The following CHN1 variants were observed in gnomAD, a reference collection of about 807,000 sequenced individuals.
CHN1 encodes the protein chimerin 1.
Under a neutral mutation model 59.5 loss-of-function variants are expected in CHN1, and 37 were observed. That is an observed-to-expected ratio of 0.62 (90% confidence interval 0.48 to 0.82). The LOEUF is 0.82. Among genes scored for constraint, CHN1 ranks in the 40% least tolerant of loss-of-function variants. The pLI is 0.00. For missense variants in CHN1, 469 were observed against 571.0 expected (o/e 0.82, Z 1.82); for synonymous variants, 206 against 200.4 (o/e 1.03, Z -0.24).
intron 7 of CHN1, among the ~76,000 whole-genome samples, chr2:174,827,194 G>A (rs1380467235): frequency 2.0e-5 from 3 of 152,054 alleles, no homozygotes; most frequent in Non-Finnish European, 2.9e-5. Context: ...GTTGATTACT[G>A]TAGCCTTTGA....
At chr2:174,866,244 C>T (rs1268630180) in intron 6 of CHN1, among the ~76,000 whole-genome samples, 1 of 152,132 alleles carries the variant, frequency 6.6e-6, no homozygotes, top group Non-Finnish European at 1.5e-5. Flanking sequence ...TGACCAAACA[C>T]TTAGCATATA....
At chr2:174,880,539 A>C (rs1301222479) in intron 5 of CHN1, among the ~76,000 whole-genome samples, 4 of 152,288 alleles carry the variant, frequency 2.6e-5, no homozygotes, top group African/African-American at 9.6e-5. Flanking sequence ...GAAGAGCCAT[A>C]AAGGGGGAGA....
chr2:174,903,151 T>A (rs960881705), intron 5 of CHN1, among the ~76,000 whole-genome samples: 3 of 152,080 alleles, frequency 2.0e-5, no homozygotes, highest in Non-Finnish European at 4.4e-5. Context: ...CACAGATGAG[T>A]CCTTTTTGAC....
Position 174,971,305 on chromosome 2 carries a change from G to A in CHN1, c.20-19103C>T, listed in dbSNP as rs144690482. ...TGCACTCCAGCCTGGGTGACAGAGC[G>A]TGACTCCGTCTCTTAAAAAAAAAGT... On this transcript the variant is annotated intron_variant, in intron 1 of 12. Transcript: ENST00000409900. 4.9e-4 allele frequency among the ~76,000 whole-genome samples: 74 copies of A among 152,192 alleles called. 2 individuals are homozygous for A. In the East Asian group the frequency reaches 6.0e-3, roughly 12 times the overall value.
At chr2:174,848,681 C>T (rs573805676) in intron 6 of CHN1, among the ~76,000 whole-genome samples, 12 of 152,226 alleles carry the variant, frequency 7.9e-5, no homozygotes, top group Middle Eastern at 3.4e-3. Context: ...CTATGCTAGA[C>T]ATTAAAAATA....
intron 3 of CHN1, among the ~76,000 whole-genome samples, chr2:174,943,457 C>T (rs1033281126): frequency 2.0e-5 from 3 of 152,006 alleles, no homozygotes; most frequent in Non-Finnish European, 4.4e-5. Flanking sequence ...AAACTCTTGA[C>T]CTCGTGATCT....
At chr2:174,891,565 T>C (rs1688051303) in intron 5 of CHN1, among the ~76,000 whole-genome samples, 1 of 141,746 alleles carries the variant, frequency 7.1e-6, no homozygotes, top group African/African-American at 2.6e-5. Context: ...CGAGACTCCA[T>C]CTCAAAAAAA....
At chr2:174,997,775 T>A (rs1240339230) in intron 1 of CHN1, among the ~76,000 whole-genome samples, 1 of 152,134 alleles carries the variant, frequency 6.6e-6, no homozygotes, top group Non-Finnish European at 1.5e-5. Context: ...CTCACGTCTG[T>A]AATCCCAGCA....
rs74961982 is a variant in CHN1, at chr2:174,920,210, T to C, written c.115-1645A>G. ...TTCCATTATGTATATATACACCACA[T>C]TTTTTTTATCCATTCATTCACTGAT... is the stretch of plus-strand genomic sequence containing the variant. On this transcript the variant is annotated intron_variant, in intron 3 of 12. Coordinates refer to ENST00000409900, the MANE Select transcript of CHN1 (RefSeq NM_001822.7). Among the ~76,000 whole-genome samples, 299 of 151,998 alleles carry C rather than the reference T, an allele frequency of 2.0e-3. 1 individual carries two copies. The highest frequency in any genetic ancestry group is 6.8e-3 in the African/African-American group (284 of 41,468).
rs564782511 is a variant in CHN1, at chr2:174,952,649, G to A, written c.20-447C>T. Among the ~76,000 whole-genome samples the A allele has an allele frequency of 5.3e-5, 8 of 152,252 alleles. No homozygotes were observed. In the South Asian group the frequency reaches 1.7e-3, roughly 32 times the overall value. On this transcript the variant is annotated intron_variant, in intron 1 of 12. Coordinates refer to ENST00000409900, the MANE Select transcript of CHN1 (RefSeq NM_001822.7). The stretch of plus-strand genomic sequence containing the variant: ...TCTATTATTTTCCCCCGTTACATTT[G>A]GGGGATTCCAATGTACATGGTTTTA...
intron 5 of CHN1, among the ~76,000 whole-genome samples, chr2:174,904,123 C>A (rs1688469724): frequency 6.6e-6 from 1 of 151,658 alleles, no homozygotes; most frequent in African/African-American, 2.4e-5. Context: ...ATTAGCTGGG[C>A]ATGGTGGTGC....
intron 2 of CHN1, among the ~76,000 whole-genome samples, chr2:174,947,918 T>C (rs1381616774): frequency 1.3e-5 from 2 of 152,210 alleles, no homozygotes; most frequent in Non-Finnish European, 2.9e-5. Flanking sequence ...TTTCTGATAA[T>C]TTGAATTGGA....
chr2:174,839,034 TAGA>T (rs887447481), intron 7 of CHN1, among the ~76,000 whole-genome samples: 4 of 151,772 alleles, frequency 2.6e-5, no homozygotes, highest in Admixed American at 1.3e-4. Flanking sequence ...AAAAAAAATT[TAGA>T]AGAAGTGACA....
intron 6 of CHN1, among the ~76,000 whole-genome samples, chr2:174,873,068 C>T (rs2105467641): frequency 6.6e-6 from 1 of 150,938 alleles, no homozygotes; most frequent in South Asian, 2.1e-4. Context: ...GCTGTTTATA[C>T]AGGATAAACA....
At chr2:174,842,671 G>C (rs563955779) in intron 7 of CHN1, among the ~76,000 whole-genome samples, 2 of 152,338 alleles carry the variant, frequency 1.3e-5, no homozygotes, top group East Asian at 3.9e-4. Flanking sequence ...CTCAGCAAGA[G>C]TGTCGGCCAC....
chr2:174,870,278 A>C (rs1021845452), intron 6 of CHN1, among the ~76,000 whole-genome samples: 5 of 152,314 alleles, frequency 3.3e-5, no homozygotes, highest in African/African-American at 1.2e-4. Context: ...CTGTTGAAAG[A>C]ATCCCGTTAC....
chr2:174,925,388 C>T lies in CHN1; in HGVS notation c.115-6823G>A, dbSNP rs541790152. On this transcript the variant is annotated intron_variant, in intron 3 of 12. Coordinates refer to ENST00000409900, the MANE Select transcript of CHN1 (RefSeq NM_001822.7). ...TAAAGGAGATACAAATATTTTATCC[C>T]AAAATATATTTCTTTGACATATTTT... Among the ~76,000 whole-genome samples, 8 of 152,262 alleles carry T rather than the reference C, an allele frequency of 5.3e-5. 1 individual carries two copies. Among genetic ancestry groups the T allele is most frequent in the African/African-American group, 1.9e-4 (8 of 41,538 alleles).
At chr2:174,861,246 A>G (rs1687059414) in intron 6 of CHN1, among the ~76,000 whole-genome samples, 2 of 152,190 alleles carry the variant, frequency 1.3e-5, no homozygotes, top group African/African-American at 4.8e-5. Context: ...TAATATAGGT[A>G]GAATGTATGG....
chr2:174,807,896 T>C (rs938897640), intron 11 of CHN1, among the ~76,000 whole-genome samples: 1 of 152,298 alleles, frequency 6.6e-6, no homozygotes, highest in South Asian at 2.1e-4. Flanking sequence ...AGACAACATA[T>C]GGTTTTAAAG....
Sources: gnomAD v4.1 joint callset for allele counts (sites outside exome capture counted in the v4.1 genomes callset) on GRCh38, gnomAD v4.1.1 for gene constraint, MANE v1.5 for transcripts, NCBI Gene and HGNC (gene_info 2026-07-23, HGNC 2026-07-21) for gene names.